CAMKK2: variants seen among roughly 807,000 people sequenced by gnomAD.
The protein encoded by CAMKK2 is calcium/calmodulin dependent protein kinase kinase 2, also known as calcium/calmodulin-dependent protein kinase kinase 2.
Under a neutral mutation model 67.2 loss-of-function variants are expected in CAMKK2, and 30 were observed. That is an observed-to-expected ratio of 0.45 (90% CI 0.33 to 0.61). The LOEUF is 0.61. CAMKK2 is among the 20% of genes least tolerant of loss of function. CAMKK2 has a pLI of 0.02. For synonymous variants in CAMKK2, 322 were observed against 326.2 expected (o/e 0.99, Z 0.14); for missense variants, 643 against 802.0 (o/e 0.80, Z 2.39).
chr12:121,254,645 CA>C (rs1234517718), intron 9 of CAMKK2, among the ~76,000 whole-genome samples: 2 of 151,622 alleles, frequency 1.3e-5, no homozygotes, highest in Admixed American at 6.6e-5. Flanking sequence ...GAATAAGAGA[CA>C]AAAAAAATAG....
chr12:121,243,729 T>G, intron 16 of CAMKK2: 1 of 409,804 alleles, frequency 2.4e-6, no homozygotes, highest in Non-Finnish European at 3.5e-6. Context: ...TGTCGTAAAG[T>G]TGACGGTGGT....
At chr12:121,291,588 A>C (rs1038709781) in intron 1 of CAMKK2, among the ~76,000 whole-genome samples, 34 of 152,204 alleles carry the variant, frequency 2.2e-4, no homozygotes, top group African/African-American at 7.2e-5. Context: ...AGAGAGACAG[A>C]AAGTAGGCTG....
chr12:121,270,469 G>A (rs899778417), intron 3 of CAMKK2, among the ~76,000 whole-genome samples: 7 of 151,568 alleles, frequency 4.6e-5, no homozygotes, highest in African/African-American at 1.7e-4. Context: ...GTTTGCCACT[G>A]TCCTTACCAC....
intron 7 of CAMKK2, among the ~76,000 whole-genome samples, chr12:121,257,639 T>G (rs1288208536): frequency 6.6e-6 from 1 of 152,204 alleles, no homozygotes; most frequent in African/African-American, 2.4e-5. Context: ...TTAAAGGTTC[T>G]GATCAGGAAA....
At chr12:121,241,793 G>A (rs541727594) in intron 16 of CAMKK2, among the ~76,000 whole-genome samples, 2 of 152,350 alleles carry the variant, frequency 1.3e-5, no homozygotes, top group South Asian at 2.1e-4. Context: ...GTAACTAGAC[G>A]TTAGGTCAGG....
chr12:121,255,525 G>C (rs761191314), intron 9 of CAMKK2, 25 bp downstream of exon 9: 1 of 1,585,446 alleles, frequency 6.3e-7, no homozygotes, highest in East Asian at 2.2e-5. Context: ...CACTGGGTGA[G>C]AGCCCTCCCG....
chr12:121,281,860 C>T (rs946902390), intron 1 of CAMKK2, among the ~76,000 whole-genome samples: 3 of 152,190 alleles, frequency 2.0e-5, no homozygotes, highest in African/African-American at 4.8e-5. Context: ...GCAGGAGAAT[C>T]GCTTGAGCCT....
In CAMKK2 at chr12:121,270,944, T is replaced by C. The variant is rs200404512; in HGVS notation, c.473A>G (p.Asp158Gly). ...SHHVSITGMQDCVQLNQYTLK... is the reference protein window; with the variant it reads ...SHHVSITGMQGCVQLNQYTLK... ...GGTATACTGATTCAGCTGCACACAG[T>C]CCTAGAGAGTAAGGAGAGACACGTG... Residue 158 changes from aspartate to glycine, a missense_variant and splice_region_variant, in exon 3 of 17, where the codon GAC becomes GGC. Physicochemically the swap from Asp to Gly is moderately conservative, Grantham distance 94 (BLOSUM62 -1). Transcript: ENST00000404169. 7 of 1,612,944 alleles carry C rather than the reference T, an allele frequency of 4.3e-6. No homozygotes were observed. In the Admixed American group the frequency reaches 5.0e-5, roughly 12 times the overall value.
At chr12:121,283,275 A>G (rs186730128) in intron 1 of CAMKK2, among the ~76,000 whole-genome samples, 8 of 152,340 alleles carry the variant, frequency 5.3e-5, no homozygotes, top group African/African-American at 1.9e-4. Flanking sequence ...GCCCTAGCCC[A>G]GCTAAGCAGG....
Position 121,265,425 on chromosome 12 carries a change from G to A in CAMKK2, c.626-1486C>T, listed in dbSNP as rs531655965. On this transcript the variant is annotated intron_variant, in intron 5 of 16. Transcript: ENST00000404169. ...AGCGTTCCACTGCCTGCTGGGGAAAGGGAGGTGCTACGGTCAGGATGTTTG... is the reference window on the plus strand; with the variant it reads ...AGCGTTCCACTGCCTGCTGGGGAAAAGGAGGTGCTACGGTCAGGATGTTTG... 2.6e-5 allele frequency among the ~76,000 whole-genome samples: 4 copies of A among 152,272 alleles called. No individual in the cohort carries two copies. In the East Asian group the frequency reaches 7.7e-4, roughly 29 times the overall value.
Position 121,294,823 on chromosome 12 carries a change from G to T in CAMKK2, c.-60+1815C>A, listed in dbSNP as rs114351885. 9.2e-3 allele frequency among the ~76,000 whole-genome samples: 1,408 copies of T among 152,350 alleles called. 22 individuals are homozygous for T. The highest frequency in any genetic ancestry group is 0.032 in the African/African-American group (1,328 of 41,572). ...GATAATGCATGTAACACATAGCACA[G>T]AATCTGGCAGGCAGCAAGAACTCAA... On this transcript the variant is annotated intron_variant, in intron 1 of 16. Transcript: ENST00000404169.
rs201468574 is a variant in CAMKK2, at chr12:121,239,736, G to C, written c.*963C>G. On this transcript the variant is annotated 3_prime_UTR_variant, in exon 17 of 17. Coordinates refer to ENST00000404169, the MANE Select transcript of CAMKK2 (RefSeq NM_001270485.2). ...TATACAGGCGGGCATAGGTTTCATC[G>C]GCTCTAACTGATCACATGCCTGAAG... 1.3e-5 allele frequency: 2 copies of C among 152,140 alleles called. No individual in the cohort carries two copies. The highest frequency in any genetic ancestry group is 1.3e-4 in the Admixed American group (2 of 15,268). The allele number at this position is 152,140 out of a possible 1,614,324, so 9.4% of individuals were successfully genotyped here.
At chr12:121,244,891 A>T in intron 15 of CAMKK2, among the ~76,000 whole-genome samples, 1 of 152,234 alleles carries the variant, frequency 6.6e-6, no homozygotes, top group East Asian at 1.9e-4. Context: ...TGACTGACCA[A>T]GAGCCCCCCA....
At chr12:121,297,528 T>G, upstream of CAMKK2, 1 of 493,082 alleles carries the variant, frequency 2.0e-6, no homozygotes, top group Non-Finnish European at 4.1e-6. Context: ...TCTCCCCTTT[T>G]TGGCACTTAC....
In CAMKK2 at chr12:121,240,602, G is replaced by A; in HGVS notation, c.*97C>T. Reference sequence around the variant, plus strand: ...AGATGACGATCGAGGCTCTACACACGTGCTGGGTTTCCGTAGGACATGCTG... The same window carrying A: ...AGATGACGATCGAGGCTCTACACACATGCTGGGTTTCCGTAGGACATGCTG... On this transcript the variant is annotated 3_prime_UTR_variant, in exon 17 of 17. Transcript: ENST00000404169. The surrounding 1 kb of genome is among the most constrained non-coding windows in gnomAD (Gnocchi z 4.4). The A allele has an allele frequency of 4.6e-6, 7 of 1,532,548 alleles. No individual in the cohort carries two copies. Among genetic ancestry groups the A allele is most frequent in the East Asian group, 2.4e-5 (1 of 40,842 alleles). 94.9% of individuals were successfully genotyped at this position (1,532,548 alleles called of 1,614,324 possible). A position where few individuals can be genotyped will look rare whatever the true frequency, so the allele number is the denominator to read the frequency against.
chr12:121,281,429 C>T (rs888094291), intron 1 of CAMKK2, among the ~76,000 whole-genome samples: 3 of 152,246 alleles, frequency 2.0e-5, no homozygotes, highest in Non-Finnish European at 4.4e-5. Flanking sequence ...CTGCCCGGGA[C>T]ATCAATGTCC....
Position 121,246,256 on chromosome 12 carries a change from G to T in CAMKK2, c.1453-1016C>A, listed in dbSNP as rs535529093. ...TACCTCAATTTAAAAGAAGGAGCGG[G>T]GGGGGGGAGGCGGGCGTGGTGGCTC... On this transcript the variant is annotated intron_variant, in intron 14 of 16. Coordinates refer to ENST00000404169, the MANE Select transcript of CAMKK2 (RefSeq NM_001270485.2). Among the ~76,000 whole-genome samples, 22 of 149,584 alleles carry T rather than the reference G, an allele frequency of 1.5e-4. 1 individual carries two copies. Among genetic ancestry groups the T allele is most frequent in the South Asian group, 2.2e-4 (1 of 4,534 alleles).
intron 7 of CAMKK2, among the ~76,000 whole-genome samples, chr12:121,257,298 G>C (rs574986714): frequency 6.6e-6 from 1 of 150,758 alleles, no homozygotes; most frequent in East Asian, 1.9e-4. Context: ...CCAGGCTGGA[G>C]TGCAGTGGCA....
intron 6 of CAMKK2, among the ~76,000 whole-genome samples, chr12:121,261,034 A>G (rs911834385): frequency 6.6e-6 from 1 of 151,470 alleles, no homozygotes; most frequent in Non-Finnish European, 1.5e-5. Context: ...ATCTGGGCTC[A>G]AGTGACTCCA....
Sources: allele counts gnomAD v4.1 joint callset (sites outside exome capture counted in the v4.1 genomes callset), GRCh38; gene constraint gnomAD v4.1.1; non-coding constraint Gnocchi (gnomAD v3.1); transcripts MANE v1.5; gene names NCBI Gene and HGNC (gene_info 2026-07-23, HGNC 2026-07-21).